Variants in RSF1 observed in about 807,000 individuals in gnomAD.
The protein encoded by RSF1 is remodeling and spacing factor 1, also known as HBV pX-associated protein 8.
RSF1 carries 13 observed loss-of-function variants against 145.2 expected under a neutral mutation model. The ratio of observed to expected loss-of-function variants is 0.09; its 90% CI spans 0.06 to 0.14. The LOEUF is 0.14. RSF1 is among the 10% of genes least tolerant of loss of function. RSF1 has a pLI of 1.00. For synonymous variants in RSF1, 577 were observed against 592.6 expected (o/e 0.97, Z 0.38); for missense variants, 1,517 against 1,718.2 (o/e 0.88, Z 2.07).
intron 5 of RSF1, among the ~76,000 whole-genome samples, chr11:77,709,474 A>G (rs749550633): frequency 2.0e-5 from 3 of 151,906 alleles, no homozygotes; most frequent in Non-Finnish European, 2.9e-5. Context: ...GACAGGTGAA[A>G]TATCACCTGT....
chr11:77,858,431 C>G, the RSF1 span, among the ~76,000 whole-genome samples: 40 of 142,804 alleles, frequency 2.8e-4, no homozygotes, highest in Non-Finnish European at 4.8e-4. Flanking sequence ...TGCTCTCAGG[C>G]GATAGATGAT....
In RSF1 at chr11:77,745,339, T is replaced by C. The variant is rs577413716; in HGVS notation, c.372+1697A>G. Among the ~76,000 whole-genome samples the C allele has an allele frequency of 9.2e-5, 14 of 152,272 alleles. No homozygotes were observed. The South Asian group carries it at 2.5e-3, about 27-fold the overall frequency. ...GTTTGGGTTTAGTTCGTTCTTCTAG[T>C]TTCTTGCAGTGTAACATTAGGTTGT... is the stretch of plus-strand genomic sequence containing the variant. On this transcript the variant is annotated intron_variant, in intron 3 of 15. Coordinates refer to ENST00000308488, the MANE Select transcript of RSF1 (RefSeq NM_016578.4).
intron 8 of RSF1, among the ~76,000 whole-genome samples, chr11:77,693,147 T>C (rs959078417): frequency 1.3e-5 from 2 of 152,090 alleles, no homozygotes; most frequent in Non-Finnish European, 2.9e-5. Flanking sequence ...TCTACAAAAC[T>C]ACTGACAAAT....
rs185623016 is a variant in RSF1 at position 77,710,196 on chromosome 11, G to A, written c.734-7701C>T. On this transcript the variant is annotated intron_variant, in intron 5 of 15. Coordinates refer to ENST00000308488, the MANE Select transcript of RSF1 (RefSeq NM_016578.4). Reference sequence around the variant, plus strand: ...GTTGACAAGTAAAAATTGTATATATGGCACACAAAATGATGTTTTGAAATA... The same window carrying A: ...GTTGACAAGTAAAAATTGTATATATAGCACACAAAATGATGTTTTGAAATA... Among the ~76,000 whole-genome samples the A allele has an allele frequency of 4.9e-3, 741 of 151,884 alleles. 9 individuals are homozygous for A. The highest frequency in any genetic ancestry group is 0.017 in the African/African-American group (698 of 41,414).
intron 11 of RSF1, among the ~76,000 whole-genome samples, chr11:77,682,544 G>GA (rs1274881184): frequency 1.3e-5 from 2 of 152,142 alleles, no homozygotes; most frequent in African/African-American, 2.4e-5. Context: ...AGTGACCATG[G>GA]AAAAAATCTC....
rs1959666196 is a variant in RSF1, at chr11:77,675,128, C to T, written c.3470G>A (p.Arg1157Lys). Residue 1157 changes from arginine to lysine, a missense_variant, in exon 14 of 16, where the codon AGG becomes AAG. By Grantham distance (26) the Arg-to-Lys change is conservative. This residue lies in a region of RSF1 where 231 missense variants were observed against 276.6 expected (regional missense o/e 0.84). Transcript: ENST00000308488. ...CTTTCTTCGCAAACGCCTGCTCTGC[C>T]TCATTGGCCGAGAGGGGTGTCGCCT... ...RLRRHPSRPMRQSRRLRRKTP... is the reference protein window; with the variant it reads ...RLRRHPSRPMKQSRRLRRKTP... The T allele has an allele frequency of 1.2e-6, 2 of 1,614,124 alleles. No individual in the cohort carries two copies.
At chr11:77,819,525 T>G (rs1450926003) in intron 1 of RSF1, among the ~76,000 whole-genome samples, 1 of 152,196 alleles carries the variant, frequency 6.6e-6, no homozygotes, top group Non-Finnish European at 1.5e-5. Flanking sequence ...GGTGGCCTTA[T>G]GTGGAAGGAG....
chr11:77,742,394 C>T (rs1947951103), intron 3 of RSF1, among the ~76,000 whole-genome samples: 4 of 152,126 alleles, frequency 2.6e-5, no homozygotes, highest in Non-Finnish European at 1.5e-5. Flanking sequence ...ATTCTCTTGC[C>T]TCAGCCTCCT....
the RSF1 span, chr11:77,841,097 G>T: frequency 1.5e-6 from 1 of 670,172 alleles, no homozygotes; most frequent in South Asian, 1.6e-5. Context: ...TATAGTGGAA[G>T]TCATCACATG....
At chr11:77,733,122 T>A (rs1462629689) in intron 4 of RSF1, among the ~76,000 whole-genome samples, 2 of 152,220 alleles carry the variant, frequency 1.3e-5, no homozygotes, top group African/African-American at 4.8e-5. Context: ...GGGATAATAG[T>A]TTGTTAACAT....
chr11:77,741,419 T>C (rs1947936500), intron 3 of RSF1, among the ~76,000 whole-genome samples: 1 of 152,052 alleles, frequency 6.6e-6, no homozygotes, highest in Non-Finnish European at 1.5e-5. Context: ...GGTGCACGCC[T>C]ACAGTCCCAG....
chr11:77,668,355 T>C (rs1959427524), intron 15 of RSF1, among the ~76,000 whole-genome samples: 1 of 152,242 alleles, frequency 6.6e-6, no homozygotes, highest in Non-Finnish European at 1.5e-5. Flanking sequence ...TAAATGAAGA[T>C]AGGTTAGTTC....
intron 8 of RSF1, among the ~76,000 whole-genome samples, chr11:77,691,914 C>G (rs1298629329): frequency 6.6e-6 from 1 of 152,256 alleles, no homozygotes; most frequent in East Asian, 1.9e-4. Context: ...TTTTTTGAGA[C>G]AGATCTCACT....
intron 5 of RSF1, among the ~76,000 whole-genome samples, chr11:77,724,135 A>C (rs908941101): frequency 1.3e-5 from 2 of 152,244 alleles, no homozygotes; most frequent in African/African-American, 4.8e-5. Flanking sequence ...ACAAATGGCC[A>C]ATAAACACTT....
At chr11:77,846,241 A>G in the RSF1 span, among the ~76,000 whole-genome samples, 1 of 152,164 alleles carries the variant, frequency 6.6e-6, no homozygotes, top group Non-Finnish European at 1.5e-5. Context: ...AGATGTTTAG[A>G]TTTACCCATG....
intron 4 of RSF1, among the ~76,000 whole-genome samples, chr11:77,734,275 T>A (rs944999169): frequency 6.6e-6 from 1 of 150,548 alleles, no homozygotes; most frequent in Non-Finnish European, 1.5e-5. Context: ...ATTCATCTAA[T>A]ACATATATTT....
At chr11:77,728,134 T>A (rs1961103046) in intron 4 of RSF1, among the ~76,000 whole-genome samples, 1 of 152,200 alleles carries the variant, frequency 6.6e-6, no homozygotes, top group South Asian at 2.1e-4. Flanking sequence ...TCAGGTATGT[T>A]AAATCAGATA....
the RSF1 span, chr11:77,869,130 A>G: frequency 1.9e-5 from 5 of 259,238 alleles, no homozygotes; most frequent in Admixed American, 4.1e-5. Context: ...GAACAACTCC[A>G]TATTTTCTAA....
intron 5 of RSF1, among the ~76,000 whole-genome samples, chr11:77,706,606 C>G (rs1469014594): frequency 6.6e-6 from 1 of 152,064 alleles, no homozygotes; most frequent in Admixed American, 6.6e-5. Flanking sequence ...ACTCTGTTAA[C>G]TCTGCCTAGT....
Sources: allele counts gnomAD v4.1 joint callset (sites outside exome capture counted in the v4.1 genomes callset), GRCh38; gene constraint gnomAD v4.1.1; regional missense constraint gnomAD v4.1.1; transcripts MANE v1.5; gene names NCBI Gene and HGNC (gene_info 2026-07-23, HGNC 2026-07-21).